CYP4Z1: variants seen among roughly 807,000 people sequenced by gnomAD.
The protein encoded by CYP4Z1 is cytochrome P450 4Z1.
Under a neutral mutation model 54.2 loss-of-function variants are expected in CYP4Z1, and 41 were observed. The ratio of observed to expected loss-of-function variants is 0.76; its 90% CI spans 0.59 to 0.98. CYP4Z1 has a LOEUF of 0.98. Among genes scored for constraint, CYP4Z1 ranks in the 50% least tolerant of loss-of-function variants. The pLI, the probability that CYP4Z1 is intolerant of heterozygous loss-of-function variation, is 0.00. For synonymous variants in CYP4Z1, 163 were observed against 206.2 expected (o/e 0.79, Z 1.79); for missense variants, 513 against 599.0 (o/e 0.86, Z 1.50).
At chr1:47,064,287 T>C (rs915140280), upstream of CYP4Z1, among the ~76,000 whole-genome samples, 4 of 152,014 alleles carry the variant, frequency 2.6e-5, no homozygotes, top group Non-Finnish European at 5.9e-5. Flanking sequence ...TTTCACCATG[T>C]TGGCCAGGAT....
intron 8 of CYP4Z1, among the ~76,000 whole-genome samples, chr1:47,105,130 G>A (rs1644747824): frequency 6.6e-6 from 1 of 152,172 alleles, no homozygotes. Flanking sequence ...GCATGAAAAT[G>A]TGTGCCCACC....
chr1:47,106,262 G>T lies in CYP4Z1; in HGVS notation c.1201+1G>T. 1 of 1,574,706 alleles carries T rather than the reference G, an allele frequency of 6.4e-7. No homozygotes were observed. The highest frequency in any genetic ancestry group is 8.5e-7 in the Non-Finnish European group (1 of 1,170,048). ...CCAGATGGACGCTCCTTACCTGCAG[G>T]TCTTAAAACTTTTTTTTTTTTTTTT... On this transcript the variant is annotated splice_donor_variant, in intron 9 of 11. Transcript: ENST00000334194. LOFTEE classifies it high-confidence loss of function.
At chr1:47,057,335 A>AAAAAAAAATATAT in the CYP4Z1 span, among the ~76,000 whole-genome samples, 56 of 28,420 alleles carry the variant, frequency 2.0e-3, no homozygotes, top group South Asian at 3.4e-3. Flanking sequence ...AAGAAAAAAA[A>AAAAAAAAATATAT]ATATATATAT....
chr1:47,086,227 T>C (rs1359644031), intron 6 of CYP4Z1, among the ~76,000 whole-genome samples: 1 of 152,186 alleles, frequency 6.6e-6, no homozygotes, highest in Non-Finnish European at 1.5e-5. Context: ...GATGGCTGGG[T>C]CAAATGGTAT....
chr1:47,056,492 A>T, the CYP4Z1 span, among the ~76,000 whole-genome samples: 1 of 152,014 alleles, frequency 6.6e-6, no homozygotes, highest in Non-Finnish European at 1.5e-5. Flanking sequence ...TTTCTGTCTC[A>T]TTGATCTGTC....
In CYP4Z1 at chr1:47,084,707, T is replaced by C. The variant is rs778242775; in HGVS notation, c.580T>C (p.Cys194Arg). Reference protein sequence around the residue: ...SLMTLDSIMKCAFSHQGSIQL... With the variant: ...SLMTLDSIMKRAFSHQGSIQL... ...GATGACCCTGGACAGCATCATGAAG[T>C]GTGCCTTCAGCCACCAGGGCAGCAT... Residue 194 changes from cysteine to arginine, a missense_variant, in exon 5 of 12, where the codon TGT becomes CGT. By Grantham distance (180) the Cys-to-Arg change is radical. Transcript: ENST00000334194. 1 of 1,612,734 alleles carries C rather than the reference T, an allele frequency of 6.2e-7. No homozygotes were observed. The highest frequency in any genetic ancestry group is 8.5e-7 in the Non-Finnish European group (1 of 1,179,760).
intron 7 of CYP4Z1, among the ~76,000 whole-genome samples, chr1:47,096,398 G>A (rs1021567259): frequency 6.6e-6 from 1 of 152,146 alleles, no homozygotes; most frequent in African/African-American, 2.4e-5. Context: ...GCAAGATATC[G>A]ACTCTAAAAA....
intron 6 of CYP4Z1, among the ~76,000 whole-genome samples, chr1:47,087,856 T>A (rs921119612): frequency 2.6e-5 from 4 of 152,228 alleles, no homozygotes; most frequent in Admixed American, 2.6e-4. Context: ...CTTATTATTT[T>A]GAGATACATC....
upstream of CYP4Z1, among the ~76,000 whole-genome samples, chr1:47,064,410 A>G (rs1644439596): frequency 6.6e-6 from 1 of 152,038 alleles, no homozygotes; most frequent in Admixed American, 6.6e-5. Flanking sequence ...TCCTTAAACA[A>G]AACAATGGTC....
chr1:47,085,037 A>G, intron 6 of CYP4Z1, 59 bp downstream of exon 6: 1 of 666,824 alleles, frequency 1.5e-6, no homozygotes. Context: ...TGTCTGAGAC[A>G]TTGACTCTGG....
chr1:47,064,594 T>G (rs1377526643), upstream of CYP4Z1, among the ~76,000 whole-genome samples: 1 of 151,962 alleles, frequency 6.6e-6, no homozygotes, highest in Non-Finnish European at 1.5e-5. Context: ...AGAACCTCCT[T>G]AAAGCATAAA....
intron 3 of CYP4Z1, 118 bp from the exon 4 acceptor site, chr1:47,082,216 G>T (rs536958681): frequency 1.5e-5 from 19 of 1,290,988 alleles, no homozygotes; most frequent in Non-Finnish European, 1.8e-5. Flanking sequence ...CTCTTTCAAA[G>T]CTCTGTCCAC....
chr1:47,115,258 G>C (rs1267673533), intron 9 of CYP4Z1, among the ~76,000 whole-genome samples: 1 of 152,054 alleles, frequency 6.6e-6, no homozygotes, highest in East Asian at 1.9e-4. Flanking sequence ...AGAACACATT[G>C]ACACAGGAAG....
intron 10 of CYP4Z1, 105 bp downstream of exon 10, chr1:47,115,698 A>C (rs1644825383): frequency 9.0e-7 from 1 of 1,114,582 alleles, no homozygotes; most frequent in Non-Finnish European, 1.3e-6. Flanking sequence ...TCTGTCATTT[A>C]GAAAAGAACA....
At chr1:47,057,335 A>AATATATATATAT in the CYP4Z1 span, among the ~76,000 whole-genome samples, 3 of 28,456 alleles carry the variant, frequency 1.1e-4, no homozygotes, top group Non-Finnish European at 2.5e-4. Context: ...AAGAAAAAAA[A>AATATATATATAT]ATATATATAT....
intron 9 of CYP4Z1, among the ~76,000 whole-genome samples, chr1:47,108,891 A>G (rs927398161): frequency 2.0e-5 from 3 of 152,062 alleles, no homozygotes; most frequent in African/African-American, 7.2e-5. Context: ...CCTTACCCAG[A>G]CAGTATCCAA....
At chr1:47,086,472 G>T (rs1644595650) in intron 6 of CYP4Z1, among the ~76,000 whole-genome samples, 1 of 152,168 alleles carries the variant, frequency 6.6e-6, no homozygotes, top group Non-Finnish European at 1.5e-5. Context: ...TCATGTGTCT[G>T]TTGGCTGCAC....
At chr1:47,091,878 G>A (rs2148533542) in intron 6 of CYP4Z1, among the ~76,000 whole-genome samples, 1 of 149,892 alleles carries the variant, frequency 6.7e-6, no homozygotes, top group South Asian at 2.2e-4. Context: ...TGCCCCTTCC[G>A]GTCCTGCTGT....
chr1:47,066,134 A>G (rs1056164568), upstream of CYP4Z1, among the ~76,000 whole-genome samples: 2 of 152,162 alleles, frequency 1.3e-5, no homozygotes, highest in African/African-American at 4.8e-5. Flanking sequence ...TTCTATAGAC[A>G]CTATTCCACA....
Sources: allele counts gnomAD v4.1 joint callset (sites outside exome capture counted in the v4.1 genomes callset), GRCh38; gene constraint gnomAD v4.1.1; transcripts MANE v1.5; gene names NCBI Gene and HGNC (gene_info 2026-07-23, HGNC 2026-07-21).